Variants in NF1 observed in about 807,000 individuals in gnomAD.
NF1 encodes the protein neurofibromin 1, also known as neurofibromin.
A neutral mutation model predicts 325.7 loss-of-function variants in NF1; 122 were observed. The ratio of observed to expected loss-of-function variants is 0.37; its 90% CI spans 0.32 to 0.44. The LOEUF (loss-of-function observed/expected upper bound fraction) is 0.44. NF1 is among the 20% of genes least tolerant of loss of function. NF1 has a pLI of 1.00. For missense variants in NF1, 2,140 were observed against 3,415.4 expected (o/e 0.63, Z 9.31); for synonymous variants, 1,091 against 1,186.0 (o/e 0.92, Z 1.65).
intron 57 of NF1, chr17:31,361,439 G>A (rs537109328): frequency 6.6e-6 from 1 of 152,168 alleles, no homozygotes; most frequent in Admixed American, 6.5e-5. Context: ...TGACCCTGGA[G>A]GTGCTATTCA....
intron 1 of NF1, among the ~76,000 whole-genome samples, chr17:31,140,545 T>C (rs146146992): frequency 2.0e-5 from 3 of 152,360 alleles, no homozygotes; most frequent in Non-Finnish European, 2.9e-5. Context: ...AAAATCCTTA[T>C]TTTATAGAAA....
chr17:31,159,223 T>G, intron 3 of NF1, 130 bp downstream of exon 3: 1 of 689,438 alleles, frequency 1.5e-6, no homozygotes, highest in Admixed American at 2.3e-5. Context: ...TAAATATGAG[T>G]TTTGTTAATA....
intron 12 of NF1, among the ~76,000 whole-genome samples, chr17:31,212,030 A>G (rs958823766): frequency 6.6e-6 from 1 of 152,148 alleles, no homozygotes; most frequent in Non-Finnish European, 1.5e-5. Flanking sequence ...AAACTTTTAA[A>G]TTTTTTAATT....
chr17:31,195,350 G>A (rs750716843), intron 8 of NF1, among the ~76,000 whole-genome samples: 31 of 152,154 alleles, frequency 2.0e-4, no homozygotes, highest in Non-Finnish European at 4.0e-4. Flanking sequence ...TTATGGATCT[G>A]TGTAGTTTTT....
intron 36 of NF1, chr17:31,278,123 A>C (rs770210654): frequency 1.3e-5 from 2 of 152,190 alleles, no homozygotes; most frequent in Non-Finnish European, 2.9e-5. Context: ...GTCTCTAAAA[A>C]ACAAAAATTA....
intron 16 of NF1, among the ~76,000 whole-genome samples, chr17:31,223,854 A>C (rs1347014142): frequency 6.6e-6 from 1 of 152,176 alleles, no homozygotes; most frequent in Non-Finnish European, 1.5e-5. Flanking sequence ...TGCTATAACC[A>C]GAGTAGCTTG....
chr17:31,222,343 G>T, intron 15 of NF1: 6 of 1,038,656 alleles, frequency 5.8e-6, no homozygotes, highest in Non-Finnish European at 7.0e-6. Flanking sequence ...TGCTTTCGAT[G>T]AATGAATTAA....
chr17:31,286,666 T>A (rs2068233575), intron 36 of NF1, among the ~76,000 whole-genome samples: 1 of 152,208 alleles, frequency 6.6e-6, no homozygotes, highest in Non-Finnish European at 1.5e-5. Context: ...TACAGATGAG[T>A]ATTTAATGTC....
At chr17:31,181,891 T>C in intron 7 of NF1, 106 bp downstream of exon 7, 1 of 816,966 alleles carries the variant, frequency 1.2e-6, no homozygotes, top group Non-Finnish European at 2.1e-6. Flanking sequence ...AAAGGTGCTT[T>C]TACATCTTCT....
intron 14 of NF1, chr17:31,219,380 A>T (rs2066882972): frequency 5.6e-6 from 1 of 177,570 alleles, no homozygotes; most frequent in Non-Finnish European, 1.2e-5. Context: ...TGACTTTAAA[A>T]TTTTTAAAAA....
intron 1 of NF1, among the ~76,000 whole-genome samples, chr17:31,134,579 T>C (rs1915620980): frequency 6.6e-6 from 1 of 152,218 alleles, no homozygotes; most frequent in South Asian, 2.1e-4. Flanking sequence ...CTGAACTGAG[T>C]GTTTCTGGCT....
At chr17:31,127,296 A>C (rs1299307779) in intron 1 of NF1, among the ~76,000 whole-genome samples, 2 of 152,192 alleles carry the variant, frequency 1.3e-5, no homozygotes, top group Admixed American at 6.5e-5. Context: ...TCCGCAAAAA[A>C]TGATACTGGG....
chr17:31,236,134 GT>G, intron 29 of NF1, 113 bp downstream of exon 29: 1 of 746,054 alleles, frequency 1.3e-6, no homozygotes, highest in Non-Finnish European at 2.3e-6. Context: ...ATTAAAATTA[GT>G]TTTTAATTAT....
intron 1 of NF1, among the ~76,000 whole-genome samples, chr17:31,110,359 A>C (rs1913293318): frequency 6.6e-6 from 1 of 152,210 alleles, no homozygotes; most frequent in South Asian, 2.1e-4. Flanking sequence ...ACATTTGCTG[A>C]TTCTGGACAC....
At chr17:31,331,738 T>C (rs1317917677) in intron 39 of NF1, 2 of 151,102 alleles carry the variant, frequency 1.3e-5, no homozygotes, top group African/African-American at 4.9e-5. Context: ...AAGAGTTGAG[T>C]AGGGCTGTGT....
chr17:31,279,086 TA>T (rs902526535), intron 36 of NF1, among the ~76,000 whole-genome samples: 4 of 151,240 alleles, frequency 2.6e-5, no homozygotes, highest in South Asian at 2.1e-4. Context: ...AAAGTACATT[TA>T]AAAAAAAATT....
rs2066927784 is a variant in NF1 at position 31,221,859 on chromosome 17, G to A, written c.1651G>A (p.Val551Ile). The part of the protein sequence containing the change: ...IAQEAMEALL[V>I]LHQLDSIDLW... The stretch of plus-strand genomic sequence containing the variant: ...TTTTTAAAAAATTCAGGCTCTGCTG[G>A]TTCTTCATCAGTTAGATAGCATTGA... The change falls in exon 15 of 58, where the codon GTT becomes ATT. Residue 551 changes from valine (V) to isoleucine (I), a missense_variant. Val to Ile is a conservative substitution (Grantham distance 29). Transcript: ENST00000358273. 2 of 1,605,254 alleles carry A rather than the reference G, an allele frequency of 1.2e-6. No individual in the cohort carries two copies. Among genetic ancestry groups the A allele is most frequent in the South Asian group, 2.2e-5 (2 of 90,900 alleles).
At position 31,191,976 on chromosome 17, in the gene NF1, T is replaced by C. The variant is rs114756401; in HGVS notation, c.889-8446T>C. Among the ~76,000 whole-genome samples the C allele has an allele frequency of 7.6e-3, 1,165 of 152,332 alleles. 19 individuals are homozygous for C. Among genetic ancestry groups the C allele is most frequent in the African/African-American group, 0.027 (1,121 of 41,584 alleles). ...TATGTTGCTTCCAGTTCCTTATGAA[T>C]TCGCGGAACTTTTTGTATATTCAGA... On this transcript the variant is annotated intron_variant, in intron 8 of 57. Transcript: ENST00000358273.
intron 36 of NF1, among the ~76,000 whole-genome samples, chr17:31,273,009 G>T (rs934295385): frequency 9.9e-5 from 15 of 151,936 alleles, no homozygotes; most frequent in Non-Finnish European, 1.3e-4. Flanking sequence ...AGCTTAATTG[G>T]CATTTTTCTA....
Sources: allele counts gnomAD v4.1 joint callset (sites outside exome capture counted in the v4.1 genomes callset), GRCh38; gene constraint gnomAD v4.1.1; transcripts MANE v1.5; gene names NCBI Gene and HGNC (gene_info 2026-07-23, HGNC 2026-07-21).